FBXL7: variants seen among roughly 807,000 people sequenced by gnomAD.
FBXL7 encodes F-box and leucine rich repeat protein 7.
A neutral mutation model predicts 38.3 loss-of-function variants in FBXL7; 12 were observed. The observed-to-expected ratio is 0.31, with a 90% CI of 0.20 to 0.51. FBXL7 has a LOEUF of 0.51. Ranked by LOEUF, FBXL7 falls within the 20% of genes least tolerant of loss-of-function variation. The probability of loss-of-function intolerance (pLI) is 0.98; values close to 1 mark genes in which losing one functional copy is unlikely to be tolerated. For synonymous variants in FBXL7, 297 were observed against 300.9 expected (o/e 0.99, Z 0.13); for missense variants, 567 against 676.4 (o/e 0.84, Z 1.79).
chr5:15,763,624 C>G (rs1736509567), intron 2 of FBXL7, among the ~76,000 whole-genome samples: 1 of 152,132 alleles, frequency 6.6e-6, no homozygotes. Flanking sequence ...TTTTCTTTCT[C>G]TACATCAGAG....
At chr5:15,610,578 C>T (rs1435956595) in intron 1 of FBXL7, among the ~76,000 whole-genome samples, 2 of 152,166 alleles carry the variant, frequency 1.3e-5, no homozygotes, top group Non-Finnish European at 2.9e-5. Context: ...CATTTCTTCT[C>T]TGAGCACCAC....
chr5:15,783,319 C>T (rs1737046848), intron 2 of FBXL7, among the ~76,000 whole-genome samples: 1 of 152,068 alleles, frequency 6.6e-6, no homozygotes, highest in Admixed American at 6.5e-5. Flanking sequence ...CAGGGACCTG[C>T]ATGGTGCAGT....
chr5:15,913,012 T>C (rs1264796783), intron 2 of FBXL7, among the ~76,000 whole-genome samples: 1 of 152,224 alleles, frequency 6.6e-6, no homozygotes, highest in Admixed American at 6.5e-5. Flanking sequence ...TAAGTCTCTT[T>C]ACGTGTTCTT....
At chr5:15,676,165 A>G (rs559697406) in intron 2 of FBXL7, among the ~76,000 whole-genome samples, 1 of 152,272 alleles carries the variant, frequency 6.6e-6, no homozygotes, top group Non-Finnish European at 1.5e-5. Flanking sequence ...CCTTAAAACC[A>G]TTCACCAACT....
chr5:15,939,129 C>T lies in FBXL7; in HGVS notation c.*1943C>T, dbSNP rs1268111469. On this transcript the variant is annotated 3_prime_UTR_variant, in exon 4 of 4. Coordinates refer to ENST00000504595, the MANE Select transcript of FBXL7 (RefSeq NM_012304.5). ...GTCTGCCCAGGAGGTTTCTTTCAAA[C>T]ATCATGGCCTCCCATCCAATCAACA... is the stretch of plus-strand genomic sequence containing the variant. The T allele has an allele frequency of 1.0e-5, 4 of 398,750 alleles. No individual in the cohort carries two copies. The Admixed American group carries it at 1.3e-4, about 13-fold the overall frequency. 24.7% of individuals were successfully genotyped at this position (398,750 alleles called of 1,614,324 possible).
intron 2 of FBXL7, among the ~76,000 whole-genome samples, chr5:15,682,883 T>C (rs924112738): frequency 6.6e-6 from 1 of 152,226 alleles, no homozygotes; most frequent in Admixed American, 6.5e-5. Context: ...TTGTCTGAGA[T>C]TTTCTGTTTG....
At chr5:15,829,023 A>G (rs1738385593) in intron 2 of FBXL7, among the ~76,000 whole-genome samples, 1 of 152,194 alleles carries the variant, frequency 6.6e-6, no homozygotes, top group Admixed American at 6.5e-5. Context: ...TTAGTAACGC[A>G]CCCTTAATTT....
rs1196693794 is a variant in FBXL7 at position 15,936,619 on chromosome 5, C to G, written c.909C>G (p.Leu303=). 5 of 1,609,956 alleles carry G rather than the reference C, an allele frequency of 3.1e-6. No individual in the cohort carries two copies. The East Asian group carries it at 6.7e-5, about 22-fold the overall frequency. ...IAAHCTQLTH[L]YLRRCVRLTD... ...CGCACTGCACGCAGCTCACCCACCTCTACCTGCGCCGCTGCGTCCGCCTGA... is the reference window on the plus strand; with the variant it reads ...CGCACTGCACGCAGCTCACCCACCTGTACCTGCGCCGCTGCGTCCGCCTGA... The change falls in exon 4 of 4, where the codon CTC becomes CTG. Residue 303 remains leucine (L), a synonymous_variant. Transcript: ENST00000504595. This position sits in a 1 kb window ranked among gnomAD's most constrained non-coding sequence, Gnocchi z 6.0.
chr5:15,575,641 G>C (rs1255635581), intron 1 of FBXL7, among the ~76,000 whole-genome samples: 1 of 152,114 alleles, frequency 6.6e-6, no homozygotes, highest in Non-Finnish European at 1.5e-5. Flanking sequence ...TTTGTGCTTG[G>C]TTTTTGGACT....
At chr5:15,748,650 G>A (rs1054471381) in intron 2 of FBXL7, among the ~76,000 whole-genome samples, 1 of 152,116 alleles carries the variant, frequency 6.6e-6, no homozygotes, top group African/African-American at 2.4e-5. Context: ...ACCCAGTCTC[G>A]AATATGTCTT....
At chr5:15,822,486 C>G (rs1738197642) in intron 2 of FBXL7, among the ~76,000 whole-genome samples, 1 of 152,106 alleles carries the variant, frequency 6.6e-6, no homozygotes, top group African/African-American at 2.4e-5. Flanking sequence ...TCTTGTAAGC[C>G]CTGGATTAAG....
chr5:15,578,346 G>T (rs1454603678), intron 1 of FBXL7, among the ~76,000 whole-genome samples: 2 of 152,104 alleles, frequency 1.3e-5, no homozygotes, highest in African/African-American at 4.8e-5. Flanking sequence ...GCAACAATTA[G>T]GATGTCGCTC....
intron 1 of FBXL7, among the ~76,000 whole-genome samples, chr5:15,613,404 T>G (rs1740321905): frequency 6.6e-6 from 1 of 152,116 alleles, no homozygotes; most frequent in Admixed American, 6.5e-5. Context: ...GGCAGATAAA[T>G]GGCCACAGCT....
intron 2 of FBXL7, among the ~76,000 whole-genome samples, chr5:15,619,811 A>G (rs578223527): frequency 3.9e-5 from 6 of 152,274 alleles, no homozygotes; most frequent in African/African-American, 1.4e-4. Context: ...CTTTTCCCTG[A>G]TGGGATGGAT....
intron 2 of FBXL7, among the ~76,000 whole-genome samples, chr5:15,798,140 C>G (rs1208327690): frequency 6.6e-6 from 1 of 152,170 alleles, no homozygotes; most frequent in African/African-American, 2.4e-5. Context: ...CTGTAGCAAA[C>G]CACTCAGTCT....
At chr5:15,651,440 T>C (rs908495420) in intron 2 of FBXL7, among the ~76,000 whole-genome samples, 1 of 152,134 alleles carries the variant, frequency 6.6e-6, no homozygotes, top group Non-Finnish European at 1.5e-5. Context: ...ATTTCTTGAT[T>C]AGTGGGCTAT....
At chr5:15,622,635 A>G (rs1309566229) in intron 2 of FBXL7, among the ~76,000 whole-genome samples, 2 of 152,186 alleles carry the variant, frequency 1.3e-5, no homozygotes, top group Non-Finnish European at 2.9e-5. Flanking sequence ...TTATGGCTGC[A>G]TAGTCTTCCA....
intron 1 of FBXL7, among the ~76,000 whole-genome samples, chr5:15,603,059 T>G (rs1344931357): frequency 2.0e-5 from 3 of 152,150 alleles, no homozygotes; most frequent in African/African-American, 7.2e-5. Context: ...CAGCTGGTCT[T>G]GAACTCCTGG....
chr5:15,856,935 A>G (rs538898995), intron 2 of FBXL7, among the ~76,000 whole-genome samples: 26 of 152,314 alleles, frequency 1.7e-4, no homozygotes, highest in African/African-American at 5.1e-4. Flanking sequence ...ATAAACATTC[A>G]TATATATTTA....
Sources: gnomAD v4.1 joint callset for allele counts (sites outside exome capture counted in the v4.1 genomes callset) on GRCh38, gnomAD v4.1.1 for gene constraint, Gnocchi (gnomAD v3.1) non-coding constraint, MANE v1.5 for transcripts, NCBI Gene and HGNC (gene_info 2026-07-23, HGNC 2026-07-21) for gene names.